AFF3: variants seen among roughly 807,000 people sequenced by gnomAD.
AFF3 encodes the protein AF4/FMR2 family member 3.
In AFF3, 32 loss-of-function variants were observed where a neutral mutation model predicts 129.7. The observed-to-expected ratio is 0.25, with a 90% CI of 0.19 to 0.33. The LOEUF is 0.33. Ranked by LOEUF, AFF3 falls within the 10% of genes least tolerant of loss-of-function variation. AFF3 has a pLI of 1.00. For synonymous variants in AFF3, 644 were observed against 635.4 expected, an observed-to-expected ratio of 1.01 and a Z score of -0.20; for missense variants, 1,373 against 1,592.0, an observed-to-expected ratio of 0.86 and a Z score of 2.34.
intron 7 of AFF3, among the ~76,000 whole-genome samples, chr2:99,981,671 A>C (rs1205979603): frequency 6.6e-6 from 1 of 152,100 alleles, no homozygotes; most frequent in Non-Finnish European, 1.5e-5. Context: ...TCTGCTCAGG[A>C]CCTTTCCCTA....
chr2:99,761,185 C>CT (rs113789471), intron 8 of AFF3, among the ~76,000 whole-genome samples: 2,136 of 138,294 alleles, frequency 0.015, 47 homozygotes, highest in African/African-American at 0.047. Context: ...CAGGTGACTT[C>CT]TTTTTTTTTT....
chr2:99,720,024 G>A (rs973092613), intron 11 of AFF3, among the ~76,000 whole-genome samples: 4 of 152,184 alleles, frequency 2.6e-5, no homozygotes, highest in African/African-American at 7.2e-5. Flanking sequence ...GTGACAGAGC[G>A]AGACTCCGTA....
chr2:99,798,942 T>C (rs892915604), intron 8 of AFF3, among the ~76,000 whole-genome samples: 2 of 151,984 alleles, frequency 1.3e-5, no homozygotes, highest in African/African-American at 4.8e-5. Flanking sequence ...AACAACACTA[T>C]GACACCATGG....
rs200661990 is a variant in AFF3 at position 99,593,506 on chromosome 2, G to A, written c.2155C>T (p.Pro719Ser). The A allele has an allele frequency of 1.1e-5, 18 of 1,613,348 alleles. No homozygotes were observed. Among genetic ancestry groups the A allele is most frequent in the Non-Finnish European group, 1.4e-5 (17 of 1,179,890 alleles). Residue 719 changes from proline (P) to serine (S), a missense_variant, in exon 15 of 25, where the codon CCT becomes TCT. Pro to Ser is a moderately conservative substitution (Grantham distance 74, BLOSUM62 -1). This residue lies in a region of AFF3 where 466 missense variants were observed against 505.0 expected (regional missense o/e 0.92). Transcript: ENST00000672756. ...KEAAANGGSG[P>S]RAPVGSINAR... ...TTGATGGAGCCTACAGGGGCCCTAGGACCACTGCCCCCGTTGGCAGCGGCC... is the reference window on the plus strand; with the variant it reads ...TTGATGGAGCCTACAGGGGCCCTAGAACCACTGCCCCCGTTGGCAGCGGCC...
intron 7 of AFF3, among the ~76,000 whole-genome samples, chr2:99,905,186 GGCGCACGTCTGTTCTGGA>G (rs1413752769): frequency 6.6e-6 from 1 of 152,186 alleles, no homozygotes; most frequent in Non-Finnish European, 1.5e-5. Flanking sequence ...GGAATCTGAT[GGCGCACGTCTGTTCTGGA>G]GGAACTTGCT....
At chr2:100,122,308 T>C (rs1469675927) in intron 2 of AFF3, among the ~76,000 whole-genome samples, 1 of 152,212 alleles carries the variant, frequency 6.6e-6, no homozygotes, top group Non-Finnish European at 1.5e-5. Context: ...TTACTAAAGA[T>C]TGAGATGATC....
At position 99,593,654 on chromosome 2, in the gene AFF3, C is replaced by T. The variant is rs1422734172; in HGVS notation, c.2007G>A (p.Glu669=). The T allele has an allele frequency of 1.9e-6, 3 of 1,606,722 alleles. No homozygotes were observed. The highest frequency in any genetic ancestry group is 2.6e-6 in the Non-Finnish European group (3 of 1,175,242). Residue 669 remains glutamate (E), a synonymous_variant, in exon 15 of 25, where the codon GAG becomes GAA. Transcript: ENST00000672756. ...VPKSKEFIET[E]SSSSSSSSDS... ...CCGAGGAGGAGGATGAAGATGACGA[C>T]TCTGTCTCAATGAACTCCTTGGATT...
intron 4 of AFF3, among the ~76,000 whole-genome samples, chr2:100,090,358 A>G (rs1370642282): frequency 1.3e-5 from 2 of 152,244 alleles, no homozygotes; most frequent in African/African-American, 2.4e-5. Flanking sequence ...AGTTGTTACC[A>G]TTGTCTTCAT....
intron 4 of AFF3, among the ~76,000 whole-genome samples, chr2:100,072,055 A>G (rs2105306280): frequency 6.6e-6 from 1 of 152,296 alleles, no homozygotes; most frequent in East Asian, 1.9e-4. Context: ...AATCACCTGC[A>G]CTTTAACCAT....
rs1198324829 is a variant in AFF3 at position 99,549,042 on chromosome 2, G to GCTTC, written c.*2428_*2431dup. On this transcript the variant is annotated 3_prime_UTR_variant, in exon 25 of 25. Transcript: ENST00000672756. The stretch of plus-strand genomic sequence containing the variant: ...ACTGCTGGCCCACCTGTCAAATGGG[G>GCTTC]CTTCACAGGGAAGCTCATCACATAG... The GCTTC allele has an allele frequency of 8.7e-6, 2 of 228,604 alleles. No individual in the cohort carries two copies. Among genetic ancestry groups the GCTTC allele is most frequent in the African/African-American group, 4.4e-5 (2 of 45,062 alleles). The allele number at this position is 228,604 out of a possible 1,614,324, so 14.2% of individuals were successfully genotyped here. A position where few individuals can be genotyped will look rare whatever the true frequency, so the allele number is the denominator to read the frequency against.
intron 7 of AFF3, among the ~76,000 whole-genome samples, chr2:99,967,498 A>G (rs1447889828): frequency 9.9e-5 from 15 of 152,174 alleles, no homozygotes; most frequent in African/African-American, 3.1e-4. Flanking sequence ...GAGCTGGCTC[A>G]AACCAGCTTG....
chr2:100,016,443 G>A lies in AFF3; in HGVS notation c.54-7511C>T, dbSNP rs866878138. 7.8e-3 allele frequency among the ~76,000 whole-genome samples: 1,179 copies of A among 151,720 alleles called. 8 individuals carry two copies. Among genetic ancestry groups the A allele is most frequent in the Admixed American group, 0.012 (184 of 15,268 alleles). On this transcript the variant is annotated intron_variant, in intron 4 of 24. Coordinates refer to ENST00000672756, the MANE Select transcript of AFF3 (RefSeq NM_001386135.1). ...TAGTGGTGGCAGTGGTGGTGATGTG[G>A]TGGTGGAGATGGTGATGGTGGTGGT...
At chr2:99,589,701 G>A (rs144563562) in intron 15 of AFF3, among the ~76,000 whole-genome samples, 1 of 152,012 alleles carries the variant, frequency 6.6e-6, no homozygotes, top group African/African-American at 2.4e-5. Flanking sequence ...GGCCGGCCCA[G>A]ATGTCAGCAT....
chr2:99,898,214 T>C (rs567375965), intron 7 of AFF3, among the ~76,000 whole-genome samples: 1 of 152,378 alleles, frequency 6.6e-6, no homozygotes, highest in South Asian at 2.1e-4. Context: ...TCTTAAAGAA[T>C]GGACATTTTT....
chr2:99,852,425 T>C (rs1230307487), intron 7 of AFF3, among the ~76,000 whole-genome samples: 1 of 152,016 alleles, frequency 6.6e-6, no homozygotes, highest in African/African-American at 2.4e-5. Context: ...CCTGAAAACA[T>C]GCCTGAGTAA....
At chr2:99,872,301 C>T (rs1006943447) in intron 7 of AFF3, among the ~76,000 whole-genome samples, 1 of 151,288 alleles carries the variant, frequency 6.6e-6, no homozygotes, top group Non-Finnish European at 1.5e-5. Context: ...AGAACTTGAT[C>T]CATATATGTG....
intron 7 of AFF3, among the ~76,000 whole-genome samples, chr2:99,980,311 G>A (rs1392033094): frequency 2.0e-5 from 3 of 152,310 alleles, no homozygotes; most frequent in Admixed American, 6.5e-5. Flanking sequence ...CCTCAGAGAC[G>A]TGGTGTCAAG....
chr2:99,724,271 C>CTTTCTTTTTTTTTTTTTTT (rs1411290883), intron 11 of AFF3, among the ~76,000 whole-genome samples: 3 of 66,862 alleles, frequency 4.5e-5, no homozygotes, highest in Non-Finnish European at 2.5e-5. Context: ...AATGACCTTT[C>CTTTCTTTTTTTTTTTTTTT]TTTTTTTTTT....
chr2:100,000,912 A>C (rs977936688), intron 7 of AFF3, among the ~76,000 whole-genome samples: 2 of 152,210 alleles, frequency 1.3e-5, no homozygotes, highest in African/African-American at 4.8e-5. Flanking sequence ...GACCAAAGAA[A>C]GGATGAAAGA....
Sources: gnomAD v4.1 joint callset for allele counts (sites outside exome capture counted in the v4.1 genomes callset) on GRCh38, gnomAD v4.1.1 for gene constraint, gnomAD v4.1.1 regional missense constraint, MANE v1.5 for transcripts, NCBI Gene and HGNC (gene_info 2026-07-23, HGNC 2026-07-21) for gene names.